The following MYO5A variants were observed in gnomAD, a reference collection of about 807,000 sequenced individuals.
MYO5A encodes myosin VA.
Under a neutral mutation model 249.7 loss-of-function variants are expected in MYO5A, and 98 were observed. That is an observed-to-expected ratio of 0.39 (90% CI 0.33 to 0.46). The LOEUF (loss-of-function observed/expected upper bound fraction) is 0.46. Among genes scored for constraint, MYO5A ranks in the 20% least tolerant of loss-of-function variants. MYO5A has a pLI of 0.98. For missense variants in MYO5A, 1,696 were observed against 2,308.8 expected, an observed-to-expected ratio of 0.73 and a Z score of 5.44; for synonymous variants, 778 against 810.6, an observed-to-expected ratio of 0.96 and a Z score of 0.68.
At chr15:52,471,544 C>G (rs1408334135) in intron 1 of MYO5A, among the ~76,000 whole-genome samples, 4 of 151,308 alleles carry the variant, frequency 2.6e-5, no homozygotes, top group Admixed American at 1.3e-4. Flanking sequence ...CGTTTGAGCC[C>G]AGCAACTTGA....
chr15:52,525,000 T>C (rs542159275), intron 1 of MYO5A, among the ~76,000 whole-genome samples: 91 of 152,310 alleles, frequency 6.0e-4, no homozygotes, highest in African/African-American at 2.0e-3. Context: ...CCATTCATTA[T>C]AATGTTCCCG....
At chr15:52,379,131 C>T (rs922865066) in intron 18 of MYO5A, among the ~76,000 whole-genome samples, 3 of 152,206 alleles carry the variant, frequency 2.0e-5, no homozygotes, top group African/African-American at 7.2e-5. Context: ...CAGGGCCTGA[C>T]TCAAAACACA....
chr15:52,471,116 T>C (rs2076457935), intron 1 of MYO5A, among the ~76,000 whole-genome samples: 1 of 152,094 alleles, frequency 6.6e-6, no homozygotes, highest in Non-Finnish European at 1.5e-5. Flanking sequence ...ATTTATCTTT[T>C]CCCTTCAAGG....
chr15:52,390,833 A>ACAG (rs2042200638), intron 12 of MYO5A, among the ~76,000 whole-genome samples: 2 of 152,088 alleles, frequency 1.3e-5, no homozygotes, highest in Non-Finnish European at 2.9e-5. Context: ...TGCTGGGATT[A>ACAG]CAGATATAAG....
chr15:52,521,311 C>T (rs1345209062), intron 1 of MYO5A, among the ~76,000 whole-genome samples: 3 of 151,808 alleles, frequency 2.0e-5, no homozygotes, highest in Non-Finnish European at 4.4e-5. Context: ...TTTAATCTGT[C>T]TAGCCTCTTC....
intron 4 of MYO5A, among the ~76,000 whole-genome samples, chr15:52,416,633 G>A (rs1021702868): frequency 3.3e-5 from 5 of 152,168 alleles, no homozygotes; most frequent in African/African-American, 7.2e-5. Flanking sequence ...TTCATGGGGT[G>A]TGGGGGAGAT....
rs149709466 is a variant in MYO5A, at chr15:52,418,756, C to CAG, written c.456-2457_456-2456dup. Among the ~76,000 whole-genome samples, 1,173 of 143,756 alleles carry CAG rather than the reference C, an allele frequency of 8.2e-3. 16 individuals carry two copies. The highest frequency in any genetic ancestry group is 0.029 in the African/African-American group (1,123 of 38,548). 94.3% of individuals were successfully genotyped at this position (143,756 alleles called of 152,430 possible). ...AGAGAAAGAGAGAAAGAGAGAGAGACAGAGAGAGAGAGAGCCGGGGTGGGG... is the reference window on the plus strand; with the variant it reads ...AGAGAAAGAGAGAAAGAGAGAGAGACAGAGAGAGAGAGAGAGCCGGGGTGGGG... On this transcript the variant is annotated intron_variant, in intron 4 of 41. Coordinates refer to ENST00000399233, the MANE Select transcript of MYO5A (RefSeq NM_001382347.1).
chr15:52,520,947 G>C (rs1451412517), intron 1 of MYO5A, among the ~76,000 whole-genome samples: 1 of 151,960 alleles, frequency 6.6e-6, no homozygotes, highest in Non-Finnish European at 1.5e-5. Flanking sequence ...GTCTACTATA[G>C]GGCTGGGCAC....
At chr15:52,398,415 G>C (rs1052695547) in intron 9 of MYO5A, among the ~76,000 whole-genome samples, 58 of 152,270 alleles carry the variant, frequency 3.8e-4, no homozygotes, top group South Asian at 1.7e-3. Context: ...GGGGCATAGG[G>C]AGGGTGAACA....
intron 1 of MYO5A, among the ~76,000 whole-genome samples, chr15:52,472,487 T>C (rs1264887310): frequency 1.3e-5 from 2 of 152,148 alleles, no homozygotes; most frequent in Non-Finnish European, 2.9e-5. Context: ...GTTGGTGTGC[T>C]GCACCCATTA....
At chr15:52,355,726 G>A (rs1196089433) in intron 25 of MYO5A, among the ~76,000 whole-genome samples, 4 of 152,128 alleles carry the variant, frequency 2.6e-5, no homozygotes, top group African/African-American at 9.7e-5. Context: ...AAGTAATGTA[G>A]AGATGATTTA....
intron 1 of MYO5A, among the ~76,000 whole-genome samples, chr15:52,512,040 G>C (rs1176931745): frequency 6.6e-6 from 1 of 151,928 alleles, no homozygotes; most frequent in African/African-American, 2.4e-5. Flanking sequence ...GCAGGCGCCT[G>C]TAGTCCCAGC....
At chr15:52,462,204 T>C (rs1008685938) in intron 1 of MYO5A, among the ~76,000 whole-genome samples, 1 of 150,174 alleles carries the variant, frequency 6.7e-6, no homozygotes, top group Non-Finnish European at 1.5e-5. Context: ...AGGCAGAGCT[T>C]GCAGTGAGCC....
At chr15:52,439,738 A>G (rs2075746890) in intron 1 of MYO5A, among the ~76,000 whole-genome samples, 1 of 152,230 alleles carries the variant, frequency 6.6e-6, no homozygotes, top group Non-Finnish European at 1.5e-5. Flanking sequence ...TAGTAGGTAA[A>G]GAAAAAGTAA....
rs549163184 is a variant in MYO5A at position 52,361,649 on chromosome 15, T to C, written c.3310-1568A>G. On this transcript the variant is annotated intron_variant, in intron 24 of 41. Transcript: ENST00000399233. ...AAATAAGAGTGTGGAAGTAAAGAGTTTGGCTTGGCATAACAAGCATTCAAT... is the reference window on the plus strand; with the variant it reads ...AAATAAGAGTGTGGAAGTAAAGAGTCTGGCTTGGCATAACAAGCATTCAAT... Among the ~76,000 whole-genome samples the C allele has an allele frequency of 1.2e-4, 18 of 152,278 alleles. No individual in the cohort carries two copies. In the South Asian group the frequency reaches 2.5e-3, roughly 21 times the overall value.
chr15:52,348,706 A>T (rs2039780848), intron 29 of MYO5A, 112 bp downstream of exon 29: 1 of 964,726 alleles, frequency 1.0e-6, no homozygotes, highest in African/African-American at 1.7e-5. Context: ...AATTCAAAAT[A>T]TCAAAATAGA....
At chr15:52,364,485 ACTATT>A (rs1274224257) in intron 24 of MYO5A, 64 bp downstream of exon 24, 32 of 1,432,242 alleles carry the variant, frequency 2.2e-5, no homozygotes, top group Non-Finnish European at 3.1e-5. Flanking sequence ...GGTTCATTCT[ACTATT>A]CTATTTACTT....
At chr15:52,412,192 G>T (rs1409455302) in intron 5 of MYO5A, among the ~76,000 whole-genome samples, 2 of 152,132 alleles carry the variant, frequency 1.3e-5, no homozygotes, top group Non-Finnish European at 2.9e-5. Flanking sequence ...GCACTTTCCT[G>T]CCAGTAACTA....
chr15:52,339,960 G>T (rs1368401862), intron 32 of MYO5A, among the ~76,000 whole-genome samples: 1 of 152,204 alleles, frequency 6.6e-6, no homozygotes, highest in Non-Finnish European at 1.5e-5. Context: ...GTGGTTGTCT[G>T]CCTCCAGGGC....
Sources: allele counts gnomAD v4.1 joint callset (sites outside exome capture counted in the v4.1 genomes callset), GRCh38; gene constraint gnomAD v4.1.1; transcripts MANE v1.5; gene names NCBI Gene and HGNC (gene_info 2026-07-23, HGNC 2026-07-21).